The following ABCF2 variants were observed in gnomAD, a reference collection of about 807,000 sequenced individuals.
ABCF2 encodes ATP-binding cassette sub-family F member 2.
In ABCF2, 37 loss-of-function variants were observed where a neutral mutation model predicts 76.9. The ratio of observed to expected loss-of-function variants is 0.48; its 90% CI spans 0.37 to 0.63. The LOEUF (loss-of-function observed/expected upper bound fraction) is 0.63. Ranked by LOEUF, ABCF2 falls within the 30% of genes least tolerant of loss-of-function variation. ABCF2 has a pLI of 0.00. For synonymous variants in ABCF2, 299 were observed against 283.7 expected (o/e 1.05, Z -0.54); for missense variants, 524 against 782.1 (o/e 0.67, Z 3.94).
Position 151,214,252 on chromosome 7 carries a change from G to C in ABCF2, c.1735-61C>G. On this transcript the variant is annotated intron_variant, in intron 14 of 14. Coordinates refer to ENST00000287844, the MANE Select transcript of ABCF2 (RefSeq NM_007189.3). This position sits in a 1 kb window ranked among gnomAD's most constrained non-coding sequence, Gnocchi z 4.9. ...TCACTGTCCCTGCCTCTGCCCAGCA[G>C]ACTGTCCTGAGGGGCGTCTAGGAAG... is the stretch of plus-strand genomic sequence containing the variant. 1 of 1,613,380 alleles carries C rather than the reference G, an allele frequency of 6.2e-7. No homozygotes were observed. The highest frequency in any genetic ancestry group is 8.5e-7 in the Non-Finnish European group (1 of 1,179,696).
chr7:151,215,059 T>C lies in ABCF2; in HGVS notation c.1554A>G (p.Ser518=). Residue 518 remains serine (S), a synonymous_variant, in exon 14 of 15, where the codon TCA becomes TCG. Transcript: ENST00000287844. The surrounding 1 kb of genome is among the most constrained non-coding windows in gnomAD (Gnocchi z 4.6). ...GACACACTCGGCACTTCTGCCCGTC[T>C]GACAAGTTCCGGATTGGGCTCACCT... ...KQQVSPIRNL[S]DGQKCRVCLA... is the part of the protein sequence containing the mutation. The C allele has an allele frequency of 6.2e-7, 1 of 1,613,962 alleles. No individual in the cohort carries two copies.
At chr7:151,226,195 C>G in intron 2 of ABCF2, 110 bp downstream of exon 2, 1 of 1,267,226 alleles carries the variant, frequency 7.9e-7, no homozygotes, top group South Asian at 1.5e-5. Context: ...TGAAAAGTTG[C>G]ATGACACCAG....
rs1802374198 is a variant in ABCF2 at position 151,226,468 on chromosome 7, C to A, written c.-10G>T. 2 of 1,612,822 alleles carry A rather than the reference C, an allele frequency of 1.2e-6. No individual in the cohort carries two copies. Among genetic ancestry groups the A allele is most frequent in the Non-Finnish European group, 1.7e-6 (2 of 1,179,540 alleles). The stretch of plus-strand genomic sequence containing the variant: ...CCAGGTCGGAGGGCATGATGATGAC[C>A]CACAGGGGTAGGTTACTGTTGTTTC... On this transcript the variant is annotated 5_prime_UTR_variant, in exon 2 of 15. Transcript: ENST00000287844.
At chr7:151,216,390 T>C (rs147226639) in intron 11 of ABCF2, among the ~76,000 whole-genome samples, 10 of 152,352 alleles carry the variant, frequency 6.6e-5, no homozygotes, top group African/African-American at 2.4e-4. Flanking sequence ...ACAGAACCTA[T>C]TTTAAAGTTT....
rs993355174 is a variant in ABCF2, at chr7:151,213,660, G to C, written c.*394C>G. 2.0e-6 allele frequency: 2 copies of C among 1,013,022 alleles called. No individual in the cohort carries two copies. Among genetic ancestry groups the C allele is most frequent in the Admixed American group, 5.9e-5 (1 of 16,942 alleles). 62.8% of individuals were successfully genotyped at this position (1,013,022 alleles called of 1,614,324 possible). A position where few individuals can be genotyped will look rare whatever the true frequency, so the allele number is the denominator to read the frequency against. On this transcript the variant is annotated 3_prime_UTR_variant, in exon 15 of 15. Coordinates refer to ENST00000287844, the MANE Select transcript of ABCF2 (RefSeq NM_007189.3). ...AAAAGGAATCGGGGCGGTGGGCTGG[G>C]GGGTACTCCTCCAACATCACCAAAA...
At chr7:151,219,900 A>G (rs1802231858) in intron 7 of ABCF2, among the ~76,000 whole-genome samples, 3 of 151,782 alleles carry the variant, frequency 2.0e-5, no homozygotes, top group South Asian at 4.2e-4. Context: ...GGAGTTTGAC[A>G]GCAGCCTAGC....
chr7:151,215,946 A>T lies in ABCF2; in HGVS notation c.1401+21T>A. The T allele has an allele frequency of 3.7e-6, 6 of 1,613,606 alleles. No homozygotes were observed. The highest frequency in any genetic ancestry group is 5.1e-6 in the Non-Finnish European group (6 of 1,179,548). ...CCCTATACCCTGGGCAATTCCCCGG[A>T]TCCCAACCCCAGGCCTGTACCTGAT... On this transcript the variant is annotated intron_variant, in intron 12 of 14. Coordinates refer to ENST00000287844, the MANE Select transcript of ABCF2 (RefSeq NM_007189.3). This position sits in a 1 kb window ranked among gnomAD's most constrained non-coding sequence, Gnocchi z 4.6.
At position 151,212,231 on chromosome 7, in the gene ABCF2, G is replaced by C. The variant is rs535423101; in HGVS notation, c.*1823C>G. The C allele has an allele frequency of 8.1e-6, 8 of 985,412 alleles. No individual in the cohort carries two copies. In the African/African-American group the frequency reaches 1.4e-4, roughly 17 times the overall value. The allele number at this position is 985,412 out of a possible 1,614,324, so 61.0% of individuals were successfully genotyped here. ...GGATGGCTGATTTCAGAGGCAGAGT[G>C]ATGAATCCACACCAGGAAGGATGGC... On this transcript the variant is annotated 3_prime_UTR_variant, in exon 15 of 15. Transcript: ENST00000287844.
chr7:151,222,999 G>A (rs966847773), intron 5 of ABCF2, among the ~76,000 whole-genome samples: 16 of 152,134 alleles, frequency 1.1e-4, no homozygotes, highest in Non-Finnish European at 2.2e-4. Flanking sequence ...TTGTGGGGTG[G>A]CCAGAGTCTA....
In ABCF2 at chr7:151,213,165, T is replaced by C; in HGVS notation, c.*889A>G. On this transcript the variant is annotated 3_prime_UTR_variant, in exon 15 of 15. Coordinates refer to ENST00000287844, the MANE Select transcript of ABCF2 (RefSeq NM_007189.3). Reference sequence around the variant, plus strand: ...GGACAGTGGTTCTCAAAATAGTCTCTAGACCAGCAACAACAGCATCACCTG... The same window carrying C: ...GGACAGTGGTTCTCAAAATAGTCTCCAGACCAGCAACAACAGCATCACCTG... The C allele has an allele frequency of 1.0e-6, 1 of 985,232 alleles. No individual in the cohort carries two copies. The highest frequency in any genetic ancestry group is 4.7e-5 in the South Asian group (1 of 21,282). 61.0% of individuals were successfully genotyped at this position (985,232 alleles called of 1,614,324 possible). A position where few individuals can be genotyped will look rare whatever the true frequency, so the allele number is the denominator to read the frequency against.
Position 151,214,301 on chromosome 7 carries a change from A to C in ABCF2, c.1735-110T>G. On this transcript the variant is annotated intron_variant, in intron 14 of 14. Coordinates refer to ENST00000287844, the MANE Select transcript of ABCF2 (RefSeq NM_007189.3). This position sits in a 1 kb window ranked among gnomAD's most constrained non-coding sequence, Gnocchi z 4.9. ...AGAAAACTCCGCCCCCCAAACCCAT[A>C]TCCAACTCACTGTCTCACTACTTCT... 2 of 1,479,898 alleles carry C rather than the reference A, an allele frequency of 1.4e-6. No homozygotes were observed. The highest frequency in any genetic ancestry group is 1.4e-5 in the African/African-American group (1 of 71,624). 91.7% of individuals were successfully genotyped at this position (1,479,898 alleles called of 1,614,324 possible).
rs753942926 is a variant in ABCF2 at position 151,212,412 on chromosome 7, G to A, written c.*1642C>T. Reference sequence around the variant, plus strand: ...ATAGGAAGAGAGGTTCACAGACGTTGGTGTGAAAATGCAAACTCCTGGCCA... The same window carrying A: ...ATAGGAAGAGAGGTTCACAGACGTTAGTGTGAAAATGCAAACTCCTGGCCA... On this transcript the variant is annotated 3_prime_UTR_variant, in exon 15 of 15. Coordinates refer to ENST00000287844, the MANE Select transcript of ABCF2 (RefSeq NM_007189.3). 22 of 985,354 alleles carry A rather than the reference G, an allele frequency of 2.2e-5. No homozygotes were observed. Among genetic ancestry groups the A allele is most frequent in the Non-Finnish European group, 2.7e-5 (22 of 829,944 alleles). 61.0% of individuals were successfully genotyped at this position (985,354 alleles called of 1,614,324 possible).
chr7:151,216,344 C>T (rs1802149836), intron 11 of ABCF2, among the ~76,000 whole-genome samples: 1 of 152,154 alleles, frequency 6.6e-6, no homozygotes, highest in Non-Finnish European at 1.5e-5. Context: ...CAGTTAAGTC[C>T]TCAAAGTTGT....
In ABCF2 at chr7:151,216,034, G is replaced by A. The variant is rs1802143826; in HGVS notation, c.1339-5C>T. On this transcript the variant is annotated splice_region_variant and splice_polypyrimidine_tract_variant and intron_variant, in intron 11 of 14. Coordinates refer to ENST00000287844, the MANE Select transcript of ABCF2 (RefSeq NM_007189.3). ...CATGCCATCTGTGGGTAGTAGCTAG[G>A]AAGAAAAAAGTAGAAACGTAAGCAT... 3 of 1,613,410 alleles carry A rather than the reference G, an allele frequency of 1.9e-6. No individual in the cohort carries two copies. The highest frequency in any genetic ancestry group is 2.7e-5 in the African/African-American group (2 of 74,808).
chr7:151,212,966 G>A lies in ABCF2; in HGVS notation c.*1088C>T, dbSNP rs528034272. 1 of 644,756 alleles carries A rather than the reference G, an allele frequency of 1.6e-6. No individual in the cohort carries two copies. The highest frequency in any genetic ancestry group is 2.0e-5 in the African/African-American group (1 of 50,464). The allele number at this position is 644,756 out of a possible 1,614,324, so 39.9% of individuals were successfully genotyped here. A position where few individuals can be genotyped will look rare whatever the true frequency, so the allele number is the denominator to read the frequency against. On this transcript the variant is annotated 3_prime_UTR_variant, in exon 15 of 15. Transcript: ENST00000287844. ...GGCACATAAAGACGGGTTTTGCCAT[G>A]TTTCCCAAGCTGGTCTTGAACTCCT...
chr7:151,225,005 A>T lies in ABCF2; in HGVS notation c.155-17T>A, dbSNP rs1325038534. 6.2e-7 allele frequency: 1 copy of T among 1,612,088 alleles called. No homozygotes were observed. Among genetic ancestry groups the T allele is most frequent in the East Asian group, 2.2e-5 (1 of 44,886 alleles). On this transcript the variant is annotated splice_polypyrimidine_tract_variant and intron_variant, in intron 2 of 14. Transcript: ENST00000287844. ...AATCTACTTCTGCGGATAGAAAAGCAGTTTGGGAAGATGGCGTGAGACAGA... is the reference window on the plus strand; with the variant it reads ...AATCTACTTCTGCGGATAGAAAAGCTGTTTGGGAAGATGGCGTGAGACAGA...
chr7:151,218,026 T>G, intron 11 of ABCF2, 55 bp downstream of exon 11: 1 of 1,349,344 alleles, frequency 7.4e-7, no homozygotes, highest in Middle Eastern at 1.8e-4. Flanking sequence ...CCCCTCTTCC[T>G]TAACCATCGC....
Position 151,218,765 on chromosome 7 carries a change from C to T in ABCF2, c.1126G>A (p.Val376Met), listed in dbSNP as rs775988044. The part of the protein sequence containing the change: ...MMASGLTERV[V>M]SDKTLSFYFP... ...CAATCACACCCCACCTTATCGCTCA[C>T]GACCCTCTCTGTCAGTCCTGATGCC... Residue 376 changes from valine to methionine, a missense_variant, in exon 9 of 15, where the codon GTG becomes ATG. By Grantham distance (21) the Val-to-Met change is conservative. Around this residue, in one of 2 missense-constraint regions of ABCF2, gnomAD observed 194 missense variants for 348.6 expected, o/e 0.56. Transcript: ENST00000287844. 9.9e-6 allele frequency: 16 copies of T among 1,613,614 alleles called. No homozygotes were observed. Among genetic ancestry groups the T allele is most frequent in the East Asian group, 2.2e-5 (1 of 44,832 alleles).
Position 151,219,095 on chromosome 7 carries a change from T to C in ABCF2, c.986A>G (p.His329Arg). 6.2e-7 allele frequency: 1 copy of C among 1,614,116 alleles called. No individual in the cohort carries two copies. The highest frequency in any genetic ancestry group is 8.5e-7 in the Non-Finnish European group (1 of 1,180,014). ...ELEENQMKRF[H>R]WEQDQIAHMK... ...GTGTGCAATCTGATCTTGCTCCCAG[T>C]GAAACCTCTTCATCTGGTTCTCCTC... Residue 329 changes from histidine (H) to arginine (R), a missense_variant, in exon 8 of 15, where the codon CAC becomes CGC. By Grantham distance (29) the His-to-Arg change is conservative. Coordinates refer to ENST00000287844, the MANE Select transcript of ABCF2 (RefSeq NM_007189.3).
Sources: gnomAD v4.1 joint callset for allele counts (sites outside exome capture counted in the v4.1 genomes callset) on GRCh38, gnomAD v4.1.1 for gene constraint, gnomAD v4.1.1 regional missense constraint, Gnocchi (gnomAD v3.1) non-coding constraint, MANE v1.5 for transcripts, NCBI Gene and HGNC (gene_info 2026-07-23, HGNC 2026-07-21) for gene names.